Variants in FYB1 observed in about 807,000 individuals in gnomAD.
FYB1 encodes FYN binding protein 1, also known as FYN-binding protein 1.
Under a neutral mutation model 94.1 loss-of-function variants are expected in FYB1, and 41 were observed. The observed-to-expected ratio is 0.44, with a 90% CI of 0.34 to 0.57. The LOEUF is 0.57. Among genes scored for constraint, FYB1 ranks in the 20% least tolerant of loss-of-function variants. The probability of loss-of-function intolerance (pLI) is 0.02; values close to 1 mark genes in which losing one functional copy is unlikely to be tolerated. For synonymous variants in FYB1, 367 were observed against 353.2 expected (o/e 1.04, Z -0.44); for missense variants, 1,050 against 976.8 (o/e 1.07, Z -1.00).
At chr5:39,233,519 T>TA (rs1750836175) in intron 1 of FYB1, among the ~76,000 whole-genome samples, 1 of 152,196 alleles carries the variant, frequency 6.6e-6, no homozygotes, top group Non-Finnish European at 1.5e-5. Flanking sequence ...TTAACGTTGG[T>TA]AATAAGTGAG....
intron 1 of FYB1, among the ~76,000 whole-genome samples, chr5:39,206,664 A>T (rs1748883186): frequency 6.6e-6 from 1 of 152,310 alleles, no homozygotes; most frequent in East Asian, 1.9e-4. Flanking sequence ...TGGAATAATG[A>T]TTAGCAATGT....
chr5:39,125,674 C>T (rs1740592492), intron 12 of FYB1, among the ~76,000 whole-genome samples: 1 of 151,960 alleles, frequency 6.6e-6, no homozygotes, highest in Non-Finnish European at 1.5e-5. Context: ...ATGGGTGTGT[C>T]AGTGTTTGTG....
intron 2 of FYB1, among the ~76,000 whole-genome samples, chr5:39,178,833 T>G (rs115167743): frequency 0.011 from 1,733 of 152,338 alleles, 36 homozygotes; most frequent in African/African-American, 0.039. Flanking sequence ...TGCAATAGTT[T>G]TCTGATAGGT....
chr5:39,105,339 T>A lies in FYB1; in HGVS notation c.*2104A>T, dbSNP rs1760314194. ...ACTATAACAGAAATCATATTTAATA[T>A]ATTAAAATTAATACTTCAAATATCT... On this transcript the variant is annotated 3_prime_UTR_variant, in exon 19 of 19. Transcript: ENST00000512982. The A allele has an allele frequency of 6.6e-6, 1 of 152,224 alleles. No individual in the cohort carries two copies. The allele number at this position is 152,224 out of a possible 1,614,324, so 9.4% of individuals were successfully genotyped here. A position where few individuals can be genotyped will look rare whatever the true frequency, so the allele number is the denominator to read the frequency against.
At chr5:39,245,419 G>A (rs261747) in intron 1 of FYB1, among the ~76,000 whole-genome samples, 99,805 of 151,922 alleles carry the variant, frequency 0.66, 36,791 homozygotes, top group Non-Finnish European at 0.83. Context: ...ATAACAATTG[G>A]TTAGATGGGT....
chr5:39,259,855 C>A (rs1280993644), intron 1 of FYB1, among the ~76,000 whole-genome samples: 2 of 152,050 alleles, frequency 1.3e-5, no homozygotes, highest in Non-Finnish European at 2.9e-5. Context: ...AGGATAAAAT[C>A]TGCATTGGAC....
At chr5:39,113,935 T>G (rs1214134846) in intron 16 of FYB1, among the ~76,000 whole-genome samples, 1 of 152,152 alleles carries the variant, frequency 6.6e-6, no homozygotes, top group East Asian at 1.9e-4. Context: ...TCTTCCCCTC[T>G]TCTCTGTTTA....
At position 39,243,427 on chromosome 5, in the gene FYB1, T is replaced by G. The variant is rs1016905752; in HGVS notation, c.-28+30976A>C. Among the ~76,000 whole-genome samples, 39 of 151,782 alleles carry G rather than the reference T, an allele frequency of 2.6e-4. 1 individual carries two copies. Among genetic ancestry groups the G allele is most frequent in the Middle Eastern group, 3.4e-3 (1 of 294 alleles). On this transcript the variant is annotated intron_variant, in intron 1 of 1. Coordinates refer to the FYB1 transcript ENST00000510188. Reference sequence around the variant, plus strand: ...TTTCCCCATTTCTTGTTTTTGTCAGTTTTGTCAAAGATCAGGTAGTTGTAG... The same window carrying G: ...TTTCCCCATTTCTTGTTTTTGTCAGGTTTGTCAAAGATCAGGTAGTTGTAG...
chr5:39,171,862 G>T (rs1745276449), intron 2 of FYB1, among the ~76,000 whole-genome samples: 1 of 152,152 alleles, frequency 6.6e-6, no homozygotes, highest in Non-Finnish European at 1.5e-5. Context: ...AAGAGAACCT[G>T]GGGATTGTAA....
chr5:39,252,804 T>G (rs1751785791), intron 1 of FYB1, among the ~76,000 whole-genome samples: 1 of 152,220 alleles, frequency 6.6e-6, no homozygotes, highest in African/African-American at 2.4e-5. Flanking sequence ...TGGCTGCTAA[T>G]CACTTAACTT....
intron 1 of FYB1, among the ~76,000 whole-genome samples, chr5:39,213,549 G>C (rs1457683558): frequency 1.3e-5 from 2 of 152,166 alleles, no homozygotes; most frequent in Non-Finnish European, 2.9e-5. Flanking sequence ...GGGTTTATAG[G>C]GCTCAAGGCC....
chr5:39,200,700 G>A (rs1748231656), intron 2 of FYB1, among the ~76,000 whole-genome samples: 1 of 152,148 alleles, frequency 6.6e-6, no homozygotes, highest in African/African-American at 2.4e-5. Context: ...AGCTGTTTAC[G>A]AACAAGGAGA....
chr5:39,156,680 G>C (rs183383110), intron 2 of FYB1, among the ~76,000 whole-genome samples: 6 of 152,242 alleles, frequency 3.9e-5, no homozygotes, highest in Non-Finnish European at 8.8e-5. Context: ...GAATACATTT[G>C]CATGTATACA....
At chr5:39,220,048 G>A (rs999159693), upstream of FYB1, among the ~76,000 whole-genome samples, 3 of 152,104 alleles carry the variant, frequency 2.0e-5, no homozygotes, top group Non-Finnish European at 2.9e-5. Context: ...TCACTCTGTC[G>A]GCTCTCTGTT....
At chr5:39,163,252 A>G (rs1161788147) in intron 2 of FYB1, among the ~76,000 whole-genome samples, 1 of 152,212 alleles carries the variant, frequency 6.6e-6, no homozygotes, top group African/African-American at 2.4e-5. Context: ...TTAGTTGAAA[A>G]CAAAGCACTG....
intron 1 of FYB1, among the ~76,000 whole-genome samples, chr5:39,214,491 G>A (rs573281801): frequency 6.6e-6 from 1 of 152,356 alleles, no homozygotes; most frequent in East Asian, 1.9e-4. Context: ...AGCAAACCAA[G>A]TGTCTGTTGA....
At chr5:39,127,231 A>G (rs576248225) in intron 11 of FYB1, among the ~76,000 whole-genome samples, 2 of 151,766 alleles carry the variant, frequency 1.3e-5, no homozygotes, top group South Asian at 2.1e-4. Context: ...TAAGTATTCA[A>G]TACTGGTTCT....
chr5:39,248,617 A>T (rs1372351723), intron 1 of FYB1, among the ~76,000 whole-genome samples: 3 of 152,168 alleles, frequency 2.0e-5, no homozygotes, highest in Admixed American at 6.5e-5. Context: ...GGTGGGGATC[A>T]CTTGAGGTCA....
At chr5:39,174,643 A>T (rs557001154) in intron 2 of FYB1, among the ~76,000 whole-genome samples, 1 of 152,346 alleles carries the variant, frequency 6.6e-6, no homozygotes, top group Admixed American at 6.5e-5. Context: ...GCTTAAAAAC[A>T]TGAGCTCCCG....
Sources: allele counts gnomAD v4.1 joint callset (sites outside exome capture counted in the v4.1 genomes callset), GRCh38; gene constraint gnomAD v4.1.1; transcripts MANE v1.5; gene names NCBI Gene and HGNC (gene_info 2026-07-23, HGNC 2026-07-21).